The following DPP10 variants were observed in gnomAD, a reference collection of about 807,000 sequenced individuals.
The protein encoded by DPP10 is dipeptidyl peptidase like 10.
Under a neutral mutation model 120.9 loss-of-function variants are expected in DPP10, and 33 were observed. The observed-to-expected ratio is 0.27, with a 90% confidence interval of 0.21 to 0.37. The LOEUF is 0.37. DPP10 is among the 10% of genes least tolerant of loss of function. The probability of loss-of-function intolerance (pLI) is 1.00; values close to 1 mark genes in which losing one functional copy is unlikely to be tolerated. For synonymous variants in DPP10, 337 were observed against 326.1 expected (o/e 1.03, Z -0.36); for missense variants, 816 against 942.8 (o/e 0.87, Z 1.76).
intron 1 of DPP10, among the ~76,000 whole-genome samples, chr2:114,792,862 ACTTCATTC>A (rs1304141647): frequency 6.6e-6 from 1 of 152,038 alleles, no homozygotes; most frequent in Non-Finnish European, 1.5e-5. Flanking sequence ...TTTTCTTTGG[ACTTCATTC>A]CATGTGACTT....
chr2:114,468,397 CAAAAAAAAAAAAA>C (rs71297186), intron 1 of DPP10, among the ~76,000 whole-genome samples: 1 of 69,560 alleles, frequency 1.4e-5, no homozygotes, highest in African/African-American at 5.3e-5. Context: ...GCTTACAATG[CAAAAAAAAAAAAA>C]AAAAAAAAAA....
intron 1 of DPP10, among the ~76,000 whole-genome samples, chr2:114,910,378 C>T (rs1212398327): frequency 2.6e-5 from 4 of 151,826 alleles, no homozygotes; most frequent in Admixed American, 2.6e-4. Context: ...ATGGTATTGA[C>T]AGCCAGATTT....
At chr2:115,834,283 C>T (rs1689222541) in intron 21 of DPP10, among the ~76,000 whole-genome samples, 1 of 152,136 alleles carries the variant, frequency 6.6e-6, no homozygotes, top group Non-Finnish European at 1.5e-5. Context: ...AGTTTAGTGA[C>T]AATGACAATA....
chr2:115,334,228 C>CGGTTTTTTTTTTTTTTTTTTTTTTTT (rs2062954385), intron 2 of DPP10, among the ~76,000 whole-genome samples: 1 of 22,326 alleles, frequency 4.5e-5, no homozygotes, highest in Non-Finnish European at 1.3e-4. Flanking sequence ...AGAGCAGACT[C>CGGTTTTTTTTTTTTTTTTTTTTTTTT]TGTTTTTTTT....
intron 3 of DPP10, among the ~76,000 whole-genome samples, chr2:115,450,331 G>T (rs537883298): frequency 6.6e-6 from 1 of 152,056 alleles, no homozygotes; most frequent in South Asian, 2.1e-4. Context: ...CATTGAAATT[G>T]TGATGGTTTT....
At chr2:115,743,862 A>T (rs182137622) in intron 9 of DPP10, among the ~76,000 whole-genome samples, 1 of 150,730 alleles carries the variant, frequency 6.6e-6, no homozygotes, top group East Asian at 1.9e-4. Flanking sequence ...ACATTAAGCT[A>T]AGCCTGTTCT....
intron 1 of DPP10, among the ~76,000 whole-genome samples, chr2:114,600,700 T>A (rs1443488814): frequency 6.6e-6 from 1 of 151,916 alleles, no homozygotes; most frequent in Non-Finnish European, 1.5e-5. Flanking sequence ...CCAGTAATAA[T>A]ATTTCTAGCC....
intron 1 of DPP10, among the ~76,000 whole-genome samples, chr2:115,038,050 T>G (rs1704349965): frequency 6.6e-6 from 1 of 152,098 alleles, no homozygotes; most frequent in African/African-American, 2.4e-5. Flanking sequence ...TTTCTTATTT[T>G]TGTTTGTTTA....
intron 2 of DPP10, among the ~76,000 whole-genome samples, chr2:115,338,610 G>A (rs545728309): frequency 1.3e-5 from 2 of 152,088 alleles, no homozygotes; most frequent in Non-Finnish European, 2.9e-5. Context: ...ATAGACATGA[G>A]CCACCTTGCC....
intron 1 of DPP10, among the ~76,000 whole-genome samples, chr2:114,821,584 C>T (rs923758423): frequency 2.6e-5 from 4 of 152,122 alleles, no homozygotes; most frequent in Admixed American, 6.6e-5. Flanking sequence ...CTCAAAAGTT[C>T]GAGTCCAAAG....
chr2:115,385,377 CAG>C (rs1296170085), intron 3 of DPP10, among the ~76,000 whole-genome samples: 1 of 147,046 alleles, frequency 6.8e-6, no homozygotes, highest in African/African-American at 2.5e-5. Flanking sequence ...TAAATCAAGA[CAG>C]AGTTTCGCTC....
At chr2:115,334,113 G>A (rs1430775538) in intron 2 of DPP10, among the ~76,000 whole-genome samples, 1 of 151,406 alleles carries the variant, frequency 6.6e-6, no homozygotes, top group East Asian at 2.0e-4. Context: ...AGCAAGGCAG[G>A]CTAACATTCA....
intron 1 of DPP10, among the ~76,000 whole-genome samples, chr2:114,663,271 T>TATATATATATATATATATATATAC (rs375462897): frequency 6.8e-6 from 1 of 147,298 alleles, no homozygotes; most frequent in Admixed American, 7.0e-5. Flanking sequence ...TATATATATA[T>TATATATATATATATATATATATAC]ACACACACAT....
At chr2:115,457,547 G>C (rs1467148514) in intron 3 of DPP10, among the ~76,000 whole-genome samples, 1 of 151,972 alleles carries the variant, frequency 6.6e-6, no homozygotes. Context: ...TTTTACCAAA[G>C]AATTCATGTG....
intron 1 of DPP10, among the ~76,000 whole-genome samples, chr2:114,753,943 A>C (rs1433741655): frequency 6.6e-6 from 1 of 151,266 alleles, no homozygotes; most frequent in Non-Finnish European, 1.5e-5. Context: ...GAAAAGAAAT[A>C]TGAAAATGTT....
Position 115,164,423 on chromosome 2 carries a change from G to A in DPP10, c.61-144816G>A, listed in dbSNP as rs538643642. On this transcript the variant is annotated intron_variant, in intron 1 of 25. Coordinates refer to ENST00000410059, the MANE Select transcript of DPP10 (RefSeq NM_020868.6). ...ATATAGCTTCATAAAGATGTGATTA[G>A]TTGTGTGTTTTCTATAATATTTCAT... 7.2e-5 allele frequency among the ~76,000 whole-genome samples: 11 copies of A among 151,760 alleles called. No homozygotes were observed. The South Asian group carries it at 2.1e-3, about 29-fold the overall frequency.
At chr2:115,282,519 T>C (rs982443979) in intron 1 of DPP10, among the ~76,000 whole-genome samples, 1 of 152,128 alleles carries the variant, frequency 6.6e-6, no homozygotes, top group Non-Finnish European at 1.5e-5. Context: ...TTTATACTTA[T>C]AATGTCTTAC....
intron 3 of DPP10, among the ~76,000 whole-genome samples, chr2:115,398,397 G>A (rs966987716): frequency 5.9e-5 from 9 of 152,068 alleles, no homozygotes; most frequent in African/African-American, 2.2e-4. Flanking sequence ...TGCCTTAGAG[G>A]AGTTCATTCA....
chr2:115,555,767 T>C (rs577308962), intron 5 of DPP10, among the ~76,000 whole-genome samples: 1 of 152,246 alleles, frequency 6.6e-6, no homozygotes, highest in Admixed American at 6.5e-5. Context: ...ATCCCCTAAG[T>C]ACATCCTTGA....
Sources: gnomAD v4.1 joint callset for allele counts (sites outside exome capture counted in the v4.1 genomes callset) on GRCh38, gnomAD v4.1.1 for gene constraint, MANE v1.5 for transcripts, NCBI Gene and HGNC (gene_info 2026-07-23, HGNC 2026-07-21) for gene names.